Variants in TRIP12 observed in about 807,000 individuals in gnomAD.
TRIP12 encodes thyroid hormone receptor interactor 12.
In TRIP12, 25 loss-of-function variants were observed where a neutral mutation model predicts 244.2. The ratio of observed to expected loss-of-function variants is 0.10; its 90% CI spans 0.07 to 0.14. The LOEUF is 0.14. Ranked by LOEUF, TRIP12 falls within the 10% of genes least tolerant of loss-of-function variation. The probability of loss-of-function intolerance (pLI) is 1.00; values close to 1 mark genes in which losing one functional copy is unlikely to be tolerated. For synonymous variants in TRIP12, 905 were observed against 873.1 expected (o/e 1.04, Z -0.64); for missense variants, 1,677 against 2,486.4 (o/e 0.67, Z 6.92).
rs112713027 is a variant in TRIP12, at chr2:229,859,610, C to T, written c.225-36G>A. On this transcript the variant is annotated intron_variant, in intron 3 of 41. Transcript: ENST00000675903. ...AGATAAGAAAACAGTTAATATCAGCCTGTCATAATTACAACTGTCATATAT... is the reference window on the plus strand; with the variant it reads ...AGATAAGAAAACAGTTAATATCAGCTTGTCATAATTACAACTGTCATATAT... The T allele has an allele frequency of 2.5e-6, 4 of 1,574,372 alleles. No homozygotes were observed. The African/African-American group carries it at 4.1e-5, about 16-fold the overall frequency.
Position 229,859,302 on chromosome 2 carries a change from G to A in TRIP12, c.497C>T (p.Ser166Phe), listed in dbSNP as rs1355172386. ...RHLDQEQQLKSAQSPSTSKAH... is the reference protein window; with the variant it reads ...RHLDQEQQLKFAQSPSTSKAH... ...CTTGCTTGTTGATGGTGATTGTGCA[G>A]ATTTCAGTTGTTGCTCCTGGTCTAA... Residue 166 changes from serine to phenylalanine, a missense_variant, in exon 4 of 42, where the codon TCT becomes TTT. Coordinates refer to ENST00000675903, the MANE Select transcript of TRIP12 (RefSeq NM_001348323.3). The A allele has an allele frequency of 3.2e-5, 52 of 1,614,078 alleles. No individual in the cohort carries two copies. Among genetic ancestry groups the A allele is most frequent in the Non-Finnish European group, 4.3e-5 (51 of 1,180,052 alleles).
intron 13 of TRIP12, among the ~76,000 whole-genome samples, chr2:229,812,822 C>T (rs79137003): frequency 7.9e-5 from 12 of 151,604 alleles, no homozygotes; most frequent in African/African-American, 2.9e-4. Context: ...CAAAACAGAA[C>T]AAAAAAAAAT....
rs190489115 is a variant in TRIP12, at chr2:229,795,036, T to C, written c.3968+143A>G. Reference sequence around the variant, plus strand: ...GATAAGAAAGCATTTGATTCATTCTTTAGAGTGCTTAATTTCTTTCATCAT... The same window carrying C: ...GATAAGAAAGCATTTGATTCATTCTCTAGAGTGCTTAATTTCTTTCATCAT... On this transcript the variant is annotated intron_variant, in intron 26 of 41. Transcript: ENST00000675903. 5.9e-4 allele frequency: 540 copies of C among 912,520 alleles called. 1 individual carries two copies. Among genetic ancestry groups the C allele is most frequent in the Admixed American group, 1.2e-3 (44 of 37,846 alleles). 56.5% of individuals were successfully genotyped at this position (912,520 alleles called of 1,614,324 possible).
chr2:229,785,098 T>C (rs561181547), intron 34 of TRIP12, among the ~76,000 whole-genome samples: 9 of 152,352 alleles, frequency 5.9e-5, no homozygotes, highest in African/African-American at 1.7e-4. Flanking sequence ...ATATAGTTCA[T>C]ATAATGGAAC....
At chr2:229,839,416 G>A (rs2055757051) in intron 5 of TRIP12, among the ~76,000 whole-genome samples, 1 of 152,118 alleles carries the variant, frequency 6.6e-6, no homozygotes, top group Middle Eastern at 3.4e-3. Context: ...GGTGGCTCAC[G>A]CTTGTAATCC....
chr2:229,837,541 A>C (rs1042374504), intron 5 of TRIP12, among the ~76,000 whole-genome samples: 3 of 152,100 alleles, frequency 2.0e-5, no homozygotes, highest in Non-Finnish European at 4.4e-5. Flanking sequence ...AGGCCAAGAC[A>C]AAAAATTGCT....
In TRIP12 at chr2:229,767,549, T is replaced by C; in HGVS notation, c.*5A>G. 6.3e-7 allele frequency: 1 copy of C among 1,596,232 alleles called. No individual in the cohort carries two copies. Among genetic ancestry groups the C allele is most frequent in the Non-Finnish European group, 8.5e-7 (1 of 1,171,034 alleles). ...AACAGGCAGACACTGCATTTCTTGC[T>C]ATGATCAGGAAAGATGGAACGACTG... On this transcript the variant is annotated 3_prime_UTR_variant, in exon 42 of 42. Coordinates refer to ENST00000675903, the MANE Select transcript of TRIP12 (RefSeq NM_001348323.3).
chr2:229,883,534 CAATTT>C (rs2065305701), intron 1 of TRIP12, among the ~76,000 whole-genome samples: 1 of 152,138 alleles, frequency 6.6e-6, no homozygotes, highest in African/African-American at 2.4e-5. Flanking sequence ...ATTATAAACC[CAATTT>C]AATATCCCTA....
chr2:229,850,740 G>A (rs559614744), intron 4 of TRIP12, among the ~76,000 whole-genome samples: 2 of 152,228 alleles, frequency 1.3e-5, no homozygotes, highest in Non-Finnish European at 2.9e-5. Flanking sequence ...GTGGGAACGG[G>A]GGCTGCACCC....
At chr2:229,844,400 T>G (rs1229471321) in intron 4 of TRIP12, among the ~76,000 whole-genome samples, 3 of 152,228 alleles carry the variant, frequency 2.0e-5, no homozygotes. Flanking sequence ...TATGTTATGT[T>G]AATTAAAAAC....
intron 4 of TRIP12, among the ~76,000 whole-genome samples, chr2:229,845,650 C>A (rs1049987146): frequency 2.0e-5 from 3 of 152,052 alleles, no homozygotes; most frequent in African/African-American, 7.2e-5. Context: ...AAATTAATAT[C>A]TTAAGGGTAG....
chr2:229,798,168 T>C (rs1250002889), intron 23 of TRIP12, among the ~76,000 whole-genome samples: 1 of 152,230 alleles, frequency 6.6e-6, no homozygotes, highest in Non-Finnish European at 1.5e-5. Flanking sequence ...TAACTTGTGT[T>C]TCCTGGAGAG....
chr2:229,851,256 G>T (rs1321777051), intron 4 of TRIP12, among the ~76,000 whole-genome samples: 1 of 152,054 alleles, frequency 6.6e-6, no homozygotes, highest in Admixed American at 6.5e-5. Context: ...CTAGCTCAAG[G>T]TTTGTAAACA....
In TRIP12 at chr2:229,877,820, A is replaced by G. The variant is rs561574561; in HGVS notation, c.98+2162T>C. Among the ~76,000 whole-genome samples, 19 of 152,370 alleles carry G rather than the reference A, an allele frequency of 1.2e-4. 1 individual carries two copies. The South Asian group carries it at 2.9e-3, about 23-fold the overall frequency. On this transcript the variant is annotated intron_variant, in intron 2 of 41. Coordinates refer to ENST00000675903, the MANE Select transcript of TRIP12 (RefSeq NM_001348323.3). ...GTAACCAATGTCAACAGCACACGTT[A>G]TAAGTGTGGAATTATGTTTTTCTTT...
In TRIP12 at chr2:229,811,222, G is replaced by A; in HGVS notation, c.1987-18C>T. The A allele has an allele frequency of 6.2e-7, 1 of 1,605,370 alleles. No individual in the cohort carries two copies. The highest frequency in any genetic ancestry group is 1.1e-5 in the South Asian group (1 of 90,160). On this transcript the variant is annotated intron_variant, in intron 13 of 41. Coordinates refer to ENST00000675903, the MANE Select transcript of TRIP12 (RefSeq NM_001348323.3). ...TTTTTATCCTATTTTTTTAATAAAG[G>A]AAAATAAAATTTATTAGCATAAAGC...
chr2:229,905,439 T>C (rs1279171041), intron 1 of TRIP12, among the ~76,000 whole-genome samples: 1 of 152,106 alleles, frequency 6.6e-6, no homozygotes, highest in Non-Finnish European at 1.5e-5. Context: ...CAATAATGAA[T>C]ACCCAGCACA....
At chr2:229,838,790 T>C (rs1040386263) in intron 5 of TRIP12, among the ~76,000 whole-genome samples, 6 of 152,206 alleles carry the variant, frequency 3.9e-5, no homozygotes, top group Non-Finnish European at 8.8e-5. Flanking sequence ...CAAACAGGTG[T>C]ACTAAATCCA....
intron 38 of TRIP12, among the ~76,000 whole-genome samples, chr2:229,771,851 T>A (rs1354778781): frequency 6.6e-6 from 1 of 151,972 alleles, no homozygotes; most frequent in Non-Finnish European, 1.5e-5. Context: ...AAAAAAAAAA[T>A]GCCATGTGCA....
In TRIP12 at chr2:229,796,593, G is replaced by A; in HGVS notation, c.3814C>T (p.Pro1272Ser). Residue 1272 changes from proline (P) to serine (S), a missense_variant and splice_region_variant, in exon 25 of 42, where the codon CCA becomes TCA. Pro to Ser is a moderately conservative substitution (Grantham distance 74, BLOSUM62 -1). Around this residue, in one of 11 missense-constraint regions of TRIP12, gnomAD observed 77 missense variants for 69.2 expected, o/e 1.11. Transcript: ENST00000675903. ...KRFLHVFFSSPLPGEEPIGRV... is the reference protein window; with the variant it reads ...KRFLHVFFSSSLPGEEPIGRV... Reference sequence around the variant, plus strand: ...ACAGGCATTATTAGATAACTTACTGGAGAAGAAAAAAATACATGAAGAAAT... The same window carrying A: ...ACAGGCATTATTAGATAACTTACTGAAGAAGAAAAAAATACATGAAGAAAT... The A allele has an allele frequency of 3.8e-6, 6 of 1,583,878 alleles. No individual in the cohort carries two copies. The highest frequency in any genetic ancestry group is 5.1e-6 in the Non-Finnish European group (6 of 1,169,458).
Sources: allele counts gnomAD v4.1 joint callset (sites outside exome capture counted in the v4.1 genomes callset), GRCh38; gene constraint gnomAD v4.1.1; regional missense constraint gnomAD v4.1.1; transcripts MANE v1.5; gene names NCBI Gene and HGNC (gene_info 2026-07-23, HGNC 2026-07-21).